Variants in KLF8 observed in about 807,000 individuals in gnomAD.
KLF8 encodes the protein Krueppel-like factor 8.
KLF8 carries 10 observed loss-of-function variants against 18.2 expected under a neutral mutation model. The ratio of observed to expected loss-of-function variants is 0.55; its 90% CI spans 0.34 to 0.93. The LOEUF is 0.93. Among genes scored for constraint, KLF8 ranks in the 40% least tolerant of loss-of-function variants. The pLI is 0.02. For missense variants in KLF8, 264 were observed against 277.9 expected (o/e 0.95, Z 0.36); for synonymous variants, 109 against 97.3 (o/e 1.12, Z -0.71).
chrX:56,259,106 A>G (rs947492701), intron 2 of KLF8, among the ~76,000 whole-genome samples: 2 of 111,345 alleles, frequency 1.8e-5, no homozygotes, highest in Non-Finnish European at 3.8e-5. Flanking sequence ...ATGTATGAGC[A>G]GTGTTAGGGT....
the KLF8 span, among the ~76,000 whole-genome samples, chrX:55,925,852 CT>C: frequency 8.9e-6 from 1 of 111,883 alleles, no homozygotes; most frequent in Non-Finnish European, 1.9e-5. Flanking sequence ...ATATGTCTGC[CT>C]TTTAAAAACA....
At chrX:56,270,732 G>A (rs2067045679) in intron 5 of KLF8, among the ~76,000 whole-genome samples, 1 of 110,639 alleles carries the variant, frequency 9.0e-6, no homozygotes, top group African/African-American at 3.3e-5. Flanking sequence ...GCATGGAAAA[G>A]CACAAGAACA....
At chrX:56,190,632 C>G in the KLF8 span, among the ~76,000 whole-genome samples, 1 of 111,590 alleles carries the variant, frequency 9.0e-6, no homozygotes, top group Non-Finnish European at 1.9e-5. Flanking sequence ...AGCATCTTCT[C>G]TGAACATAAT....
chrX:55,998,411 G>T, the KLF8 span, among the ~76,000 whole-genome samples: 211 of 112,589 alleles, frequency 1.9e-3, no homozygotes, highest in African/African-American at 6.3e-3. Context: ...GACAATACCT[G>T]TCTTTCCTAG....
At chrX:56,214,848 C>A in the KLF8 span, among the ~76,000 whole-genome samples, 1 of 112,027 alleles carries the variant, frequency 8.9e-6, no homozygotes, top group African/African-American at 3.2e-5. Flanking sequence ...CCAGGCAGTC[C>A]AACTCCAAAG....
the KLF8 span, among the ~76,000 whole-genome samples, chrX:56,208,901 T>A: frequency 9.8e-4 from 110 of 112,195 alleles, no homozygotes; most frequent in African/African-American, 3.5e-3. Context: ...CTTGAGAATT[T>A]TCCACGTGCT....
At chrX:56,221,931 T>G in the KLF8 span, among the ~76,000 whole-genome samples, 2 of 111,637 alleles carry the variant, frequency 1.8e-5, no homozygotes, top group Non-Finnish European at 3.8e-5. Context: ...TTTACAGAGA[T>G]CCGATTGGTC....
chrX:56,194,674 T>A, the KLF8 span, among the ~76,000 whole-genome samples: 1 of 112,481 alleles, frequency 8.9e-6, no homozygotes, highest in Admixed American at 9.4e-5. Flanking sequence ...CAGACTTAAA[T>A]GGCCCTGTCT....
the KLF8 span, among the ~76,000 whole-genome samples, chrX:56,032,986 GC>G: frequency 1.8e-5 from 2 of 111,473 alleles, no homozygotes; most frequent in African/African-American, 6.5e-5. Context: ...CCACATCCTT[GC>G]CACCATTTGT....
the KLF8 span, among the ~76,000 whole-genome samples, chrX:55,981,097 G>A: frequency 2.7e-5 from 3 of 112,094 alleles, no homozygotes; most frequent in African/African-American, 9.7e-5. Flanking sequence ...AGAGGCTGAG[G>A]CAGGGGAATG....
At chrX:56,181,639 C>G in the KLF8 span, among the ~76,000 whole-genome samples, 1 of 111,584 alleles carries the variant, frequency 9.0e-6, no homozygotes, top group Non-Finnish European at 1.9e-5. Context: ...CCTTCAGGAG[C>G]TCTTGAAAGG....
the KLF8 span, among the ~76,000 whole-genome samples, chrX:56,124,454 G>T: frequency 8.9e-6 from 1 of 112,259 alleles, no homozygotes; most frequent in East Asian, 2.8e-4. Context: ...TTAACTGCTA[G>T]TCTATACTAT....
chrX:55,954,660 T>C, the KLF8 span, among the ~76,000 whole-genome samples: 3 of 112,304 alleles, frequency 2.7e-5, no homozygotes, highest in African/African-American at 9.7e-5. Flanking sequence ...ATTTATCATG[T>C]GCCCTAGCAA....
the KLF8 span, among the ~76,000 whole-genome samples, chrX:56,057,443 T>C: frequency 5.4e-5 from 6 of 111,537 alleles, no homozygotes; most frequent in African/African-American, 2.0e-4. Context: ...ACGTACACAC[T>C]TGTCATCAAA....
the KLF8 span, among the ~76,000 whole-genome samples, chrX:56,137,908 A>T: frequency 4.6e-5 from 5 of 109,502 alleles, no homozygotes; most frequent in East Asian, 1.4e-3. Context: ...AGATCAACAA[A>T]ACTAAAATTT....
rs1657730748 is a variant in KLF8, at chrX:56,290,557, G to C, written c.*6063G>C. ...AAATGTATTAGGACCTAAAGGAAGA[G>C]GTAGGCAAAATTCATTGCTTCAGAA... On this transcript the variant is annotated 3_prime_UTR_variant, in exon 6 of 6. Transcript: ENST00000468660. 9.0e-6 allele frequency among the ~76,000 whole-genome samples: 1 copy of C among 111,602 alleles called. No homozygotes were observed.
the KLF8 span, among the ~76,000 whole-genome samples, chrX:56,116,375 ATAAC>A: frequency 3.6e-5 from 4 of 111,767 alleles, no homozygotes; most frequent in South Asian, 1.5e-3. Context: ...CTAGTGAAAA[ATAAC>A]TACCCTCATC....
the KLF8 span, among the ~76,000 whole-genome samples, chrX:56,210,693 T>A: frequency 9.0e-6 from 1 of 110,534 alleles, no homozygotes; most frequent in Non-Finnish European, 1.9e-5. Flanking sequence ...TTTGACACTA[T>A]TTTTTAGATC....
chrX:56,078,154 C>T, the KLF8 span, among the ~76,000 whole-genome samples: 1 of 111,510 alleles, frequency 9.0e-6, no homozygotes, highest in Admixed American at 9.5e-5. Flanking sequence ...GCCTAATTGC[C>T]CTGGCCAGAC....
Sources: gnomAD v4.1 joint callset for allele counts (sites outside exome capture counted in the v4.1 genomes callset) on GRCh38, gnomAD v4.1.1 for gene constraint, MANE v1.5 for transcripts, NCBI Gene and HGNC (gene_info 2026-07-23, HGNC 2026-07-21) for gene names.